The following ASTN2 variants were observed in gnomAD, a reference collection of about 807,000 sequenced individuals.
ASTN2 encodes astrotactin 2.
ASTN2 carries 54 observed loss-of-function variants against 139.8 expected under a neutral mutation model. That is an observed-to-expected ratio of 0.39 (90% CI 0.31 to 0.48). The LOEUF (loss-of-function observed/expected upper bound fraction) is 0.48, where lower values mean the gene tolerates loss of function less well. Ranked by LOEUF, ASTN2 falls within the 20% of genes least tolerant of loss-of-function variation. ASTN2 has a pLI of 0.95. For missense variants in ASTN2, 1,565 were observed against 1,725.1 expected (o/e 0.91, Z 1.64); for synonymous variants, 756 against 719.5 (o/e 1.05, Z -0.81).
intron 12 of ASTN2, 24 bp downstream of exon 12, chr9:116,820,593 T>TGGG: frequency 6.2e-7 from 1 of 1,606,806 alleles, no homozygotes; most frequent in Non-Finnish European, 8.5e-7. Context: ...ATGGGGCACC[T>TGGG]GGGCCTTGGG....
At chr9:117,044,544 T>C (rs961467303) in intron 5 of ASTN2, among the ~76,000 whole-genome samples, 1 of 152,154 alleles carries the variant, frequency 6.6e-6, no homozygotes, top group Admixed American at 6.6e-5. Context: ...ATTTAGTAAG[T>C]AAGGGTTGTA....
At chr9:116,570,142 A>G (rs1853437897) in intron 19 of ASTN2, among the ~76,000 whole-genome samples, 1 of 152,226 alleles carries the variant, frequency 6.6e-6, no homozygotes, top group Admixed American at 6.5e-5. Flanking sequence ...TATCTGAAGC[A>G]TGAAGCTGAT....
intron 4 of ASTN2, among the ~76,000 whole-genome samples, chr9:117,101,237 T>A (rs1417345331): frequency 2.6e-5 from 4 of 152,144 alleles, no homozygotes; most frequent in African/African-American, 7.2e-5. Context: ...AGCCTCTGAG[T>A]ATCCATATAA....
At chr9:117,003,632 T>C (rs1049350496) in intron 7 of ASTN2, among the ~76,000 whole-genome samples, 2 of 149,948 alleles carry the variant, frequency 1.3e-5, no homozygotes, top group African/African-American at 4.9e-5. Flanking sequence ...TGACCCGCTG[T>C]TTAGAATTAT....
At chr9:117,172,778 T>C (rs886309419) in intron 3 of ASTN2, among the ~76,000 whole-genome samples, 1 of 152,170 alleles carries the variant, frequency 6.6e-6, no homozygotes, top group Non-Finnish European at 1.5e-5. Flanking sequence ...GGGCATACTG[T>C]TTGAGTGCCA....
At chr9:116,962,857 T>A (rs1835909371) in intron 10 of ASTN2, among the ~76,000 whole-genome samples, 1 of 152,208 alleles carries the variant, frequency 6.6e-6, no homozygotes, top group African/African-American at 2.4e-5. Context: ...TGAATGATAC[T>A]TTGAGATAGC....
At chr9:117,086,904 C>T (rs1045188001) in intron 5 of ASTN2, among the ~76,000 whole-genome samples, 14 of 152,132 alleles carry the variant, frequency 9.2e-5, no homozygotes, top group Admixed American at 1.3e-4. Context: ...GACACCATTT[C>T]CTCTCCTTAA....
At chr9:116,994,312 G>C (rs886445271) in intron 7 of ASTN2, among the ~76,000 whole-genome samples, 1 of 152,172 alleles carries the variant, frequency 6.6e-6, no homozygotes, top group Non-Finnish European at 1.5e-5. Flanking sequence ...ACAGCAGTTG[G>C]CCTATAGGCT....
At chr9:117,055,251 A>G (rs1839024623) in intron 5 of ASTN2, among the ~76,000 whole-genome samples, 1 of 152,236 alleles carries the variant, frequency 6.6e-6, no homozygotes, top group African/African-American at 2.4e-5. Flanking sequence ...AAAGTGCCAG[A>G]CATTGTGTTG....
intron 19 of ASTN2, among the ~76,000 whole-genome samples, chr9:116,521,181 G>C (rs1306457030): frequency 2.6e-5 from 4 of 151,968 alleles, no homozygotes; most frequent in Non-Finnish European, 4.4e-5. Context: ...GACCAAAAAA[G>C]AGCCTGCATA....
At chr9:116,689,960 T>C (rs1860483269) in intron 16 of ASTN2, among the ~76,000 whole-genome samples, 1 of 152,206 alleles carries the variant, frequency 6.6e-6, no homozygotes, top group Admixed American at 6.5e-5. Context: ...TGGTCTCTTT[T>C]GGTCTGCTTT....
rs1461292030 is a variant in ASTN2, at chr9:116,874,364, C to T, written c.1890-10631G>A. 2.6e-5 allele frequency among the ~76,000 whole-genome samples: 4 copies of T among 152,142 alleles called. No homozygotes were observed. In the East Asian group the frequency reaches 7.7e-4, roughly 29 times the overall value. ...TTCTGAGTAGCTTGTTAGCTTCCTG[C>T]ATGCCTAGAGTCCTCCTCGGTCACA... On this transcript the variant is annotated intron_variant, in intron 10 of 22. Transcript: ENST00000313400.
At chr9:117,226,341 T>A (rs1832711747) in intron 2 of ASTN2, among the ~76,000 whole-genome samples, 1 of 152,198 alleles carries the variant, frequency 6.6e-6, no homozygotes, top group Non-Finnish European at 1.5e-5. Flanking sequence ...CTGATCCTCA[T>A]CTTTCTCATC....
At chr9:117,075,216 C>G (rs1458088815) in intron 5 of ASTN2, among the ~76,000 whole-genome samples, 1 of 152,268 alleles carries the variant, frequency 6.6e-6, no homozygotes, top group East Asian at 1.9e-4. Flanking sequence ...GTAGCAGTCC[C>G]CAAATCTCCC....
intron 10 of ASTN2, among the ~76,000 whole-genome samples, chr9:116,925,374 C>A (rs1367731616): frequency 6.6e-6 from 1 of 152,198 alleles, no homozygotes. Flanking sequence ...GCCCACCTAT[C>A]ATGATAGTCA....
chr9:116,539,167 G>C (rs936702488), intron 19 of ASTN2, among the ~76,000 whole-genome samples: 3 of 152,174 alleles, frequency 2.0e-5, no homozygotes, highest in African/African-American at 7.2e-5. Flanking sequence ...AGGTAGGTTA[G>C]TGGTTGCATA....
intron 10 of ASTN2, among the ~76,000 whole-genome samples, chr9:116,918,038 G>A (rs887517753): frequency 2.0e-5 from 3 of 152,030 alleles, no homozygotes; most frequent in African/African-American, 7.3e-5. Context: ...GTTTATCAGG[G>A]GTTTCCGCTT....
chr9:117,271,879 T>G (rs933419879), intron 2 of ASTN2, among the ~76,000 whole-genome samples: 2 of 152,224 alleles, frequency 1.3e-5, no homozygotes, highest in Admixed American at 1.3e-4. Context: ...CCAGCTGCTT[T>G]AATGGGCTGC....
intron 6 of ASTN2, among the ~76,000 whole-genome samples, chr9:117,017,301 T>A (rs971023839): frequency 1.3e-5 from 2 of 152,278 alleles, no homozygotes; most frequent in Middle Eastern, 3.4e-3. Context: ...AATTTAGGCA[T>A]CAGACCCAAT....
Sources: allele counts gnomAD v4.1 joint callset (sites outside exome capture counted in the v4.1 genomes callset), GRCh38; gene constraint gnomAD v4.1.1; transcripts MANE v1.5; gene names NCBI Gene and HGNC (gene_info 2026-07-23, HGNC 2026-07-21).